PTPN22: variants seen among roughly 807,000 people sequenced by gnomAD.
PTPN22 encodes tyrosine-protein phosphatase non-receptor type 22.
PTPN22 carries 85 observed loss-of-function variants against 103.3 expected under a neutral mutation model. That is an observed-to-expected ratio of 0.82 (90% CI 0.69 to 0.99). The LOEUF (loss-of-function observed/expected upper bound fraction) is 0.99. Among genes scored for constraint, PTPN22 ranks in the 50% least tolerant of loss-of-function variants. The pLI, the probability that PTPN22 is intolerant of heterozygous loss-of-function variation, is 0.00. For synonymous variants in PTPN22, 323 were observed against 310.2 expected, an observed-to-expected ratio of 1.04 and a Z score of -0.43; for missense variants, 865 against 936.9, an observed-to-expected ratio of 0.92 and a Z score of 1.00.
intron 1 of PTPN22, 108 bp downstream of exon 1, chr1:113,871,429 C>G: frequency 1.2e-6 from 1 of 819,194 alleles, no homozygotes; most frequent in African/African-American, 1.7e-5. Flanking sequence ...CCGCCAAGGT[C>G]TCATATTTAC....
intron 11 of PTPN22, among the ~76,000 whole-genome samples, chr1:113,842,026 G>A (rs932964504): frequency 3.9e-5 from 6 of 151,962 alleles, no homozygotes; most frequent in Non-Finnish European, 7.4e-5. Flanking sequence ...GCAACATAAT[G>A]AGACCCTGTC....
chr1:113,814,774 G>A, exon 21 of PTPN22: 1 of 747,026 alleles, frequency 1.3e-6, no homozygotes, highest in Non-Finnish European at 2.2e-6. Context: ...TCTTTTAAAA[G>A]CTATTAACAC....
At chr1:113,834,175 C>A in intron 15 of PTPN22, 134 bp downstream of exon 15, 4 of 980,274 alleles carry the variant, frequency 4.1e-6, no homozygotes, top group African/African-American at 1.6e-5. Context: ...CCTTTTTATC[C>A]CAACATCCTC....
At chr1:113,855,337 A>G (rs1316241882) in intron 7 of PTPN22, among the ~76,000 whole-genome samples, 1 of 152,000 alleles carries the variant, frequency 6.6e-6, no homozygotes, top group Non-Finnish European at 1.5e-5. Flanking sequence ...TCTACTAAAA[A>G]TACAAAAGTT....
chr1:113,833,936 T>A (rs1662764668), intron 15 of PTPN22, among the ~76,000 whole-genome samples: 1 of 152,238 alleles, frequency 6.6e-6, no homozygotes, highest in Non-Finnish European at 1.5e-5. Context: ...ATTTTTGCCT[T>A]AACTATCCTT....
At chr1:113,838,789 A>G (rs932550774) in intron 11 of PTPN22, among the ~76,000 whole-genome samples, 169 bp from the exon 12 acceptor site, 3 of 152,364 alleles carry the variant, frequency 2.0e-5, no homozygotes, top group Admixed American at 6.5e-5. Context: ...GAACTCGTTC[A>G]TATACTGAGA....
chr1:113,871,079 G>A (rs1270810542), intron 1 of PTPN22, among the ~76,000 whole-genome samples: 1 of 152,134 alleles, frequency 6.6e-6, no homozygotes, highest in Non-Finnish European at 1.5e-5. Flanking sequence ...GCAGTGGGTA[G>A]TTTTGGTGCT....
intron 1 of PTPN22, chr1:113,864,392 GAA>G (rs751039427): frequency 5.5e-4 from 61 of 110,970 alleles, no homozygotes; most frequent in South Asian, 2.1e-3. Context: ...CCTGTCTCCA[GAA>G]AAAAAAAAAA....
intron 1 of PTPN22, among the ~76,000 whole-genome samples, chr1:113,870,404 C>T (rs1460724718): frequency 3.9e-5 from 6 of 152,140 alleles, no homozygotes; most frequent in African/African-American, 1.4e-4. Flanking sequence ...ATCTCTGAAA[C>T]GCCAGCTGTA....
chr1:113,848,926 A>G (rs181994131), intron 10 of PTPN22, among the ~76,000 whole-genome samples: 2 of 151,930 alleles, frequency 1.3e-5, no homozygotes, highest in African/African-American at 4.8e-5. Flanking sequence ...CTTTCTCTCC[A>G]CCATCATTTC....
chr1:113,864,401 AAAAAGAAAGAAAAGAAG>A (rs1057162672), intron 1 of PTPN22: 3 of 221,086 alleles, frequency 1.4e-5, no homozygotes, highest in African/African-American at 6.8e-5. Flanking sequence ...AGAAAAAAAA[AAAAAGAAAGAAAAGAAG>A]AAAAGAAAAG....
At chr1:113,819,783 A>G (rs1238439803) in intron 19 of PTPN22, 129 bp from the exon 20 acceptor site, 11 of 514,890 alleles carry the variant, frequency 2.1e-5, no homozygotes, top group Non-Finnish European at 2.9e-5. Flanking sequence ...AAATGTTAAC[A>G]AAATGTAGGT....
At chr1:113,819,015 T>C (rs1056721039) in intron 20 of PTPN22, among the ~76,000 whole-genome samples, 2 of 152,216 alleles carry the variant, frequency 1.3e-5, no homozygotes, top group African/African-American at 4.8e-5. Context: ...CTAATTGCTA[T>C]TCTTACAAAA....
intron 11 of PTPN22, among the ~76,000 whole-genome samples, chr1:113,846,297 T>A (rs1268738570): frequency 1.3e-5 from 2 of 152,208 alleles, no homozygotes; most frequent in African/African-American, 4.8e-5. Context: ...TATCTCTTTG[T>A]ATAGCCTTTT....
chr1:113,842,232 G>GTGGA (rs925138659), intron 11 of PTPN22, among the ~76,000 whole-genome samples: 1 of 151,848 alleles, frequency 6.6e-6, no homozygotes, highest in African/African-American at 2.4e-5. Flanking sequence ...GGGTGGGTGG[G>GTGGA]AGAAGGCAAA....
At chr1:113,849,708 C>T (rs1018431663) in intron 10 of PTPN22, among the ~76,000 whole-genome samples, 2 of 151,880 alleles carry the variant, frequency 1.3e-5, no homozygotes, top group Non-Finnish European at 2.9e-5. Flanking sequence ...CCACCTCAGT[C>T]TCCCAAGTAA....
chr1:113,837,904 T>A (rs1663165254), exon 13 of PTPN22: 2 of 1,614,146 alleles, frequency 1.2e-6, no homozygotes, highest in East Asian at 2.2e-5. Flanking sequence ...TGGCAGTGAA[T>A]AATTCAGTTC....
rs754406296 is a variant in PTPN22, at chr1:113,854,529, C to T, written c.692G>A (p.Cys231Tyr). 9.9e-6 allele frequency: 16 copies of T among 1,613,514 alleles called. No individual in the cohort carries two copies. In the East Asian group the frequency reaches 2.9e-4, roughly 29 times the overall value. The change falls in exon 9 of 21, where the codon TGT (cysteine) becomes TAT (tyrosine). Residue 231 changes from cysteine (C) to tyrosine (Y), a missense_variant. Coordinates refer to ENST00000359785, the Ensembl canonical transcript of PTPN22. ...AGCACAAATAACACCAGTCCTTCCACAGCCAGCACTGAAATGAAAGATCAC... is the reference window on the plus strand; with the variant it reads ...AGCACAAATAACACCAGTCCTTCCATAGCCAGCACTGAAATGAAAGATCAC...
At chr1:113,832,964 A>T in intron 16 of PTPN22, 147 bp downstream of exon 16, 1 of 756,354 alleles carries the variant, frequency 1.3e-6, no homozygotes, top group Non-Finnish European at 2.1e-6. Flanking sequence ...CAAAATTTCT[A>T]GTCTGGGAAA....
Sources: allele counts gnomAD v4.1 joint callset (sites outside exome capture counted in the v4.1 genomes callset), GRCh38; gene constraint gnomAD v4.1.1; transcripts MANE v1.5; gene names NCBI Gene and HGNC (gene_info 2026-07-23, HGNC 2026-07-21).